The following CALCR variants were observed in gnomAD, a reference collection of about 807,000 sequenced individuals.
CALCR encodes the protein calcitonin receptor.
A neutral mutation model predicts 59.5 loss-of-function variants in CALCR; 47 were observed. The observed-to-expected ratio is 0.79, with a 90% CI of 0.63 to 1.01. The LOEUF (loss-of-function observed/expected upper bound fraction) is 1.01, where lower values mean the gene tolerates loss of function less well. CALCR is among the 50% of genes least tolerant of loss of function. CALCR has a pLI of 0.00. For missense variants in CALCR, 566 were observed against 597.1 expected (o/e 0.95, Z 0.54); for synonymous variants, 213 against 211.3 (o/e 1.01, Z -0.07).
chr7:93,548,123 C>T (rs564706134), intron 2 of CALCR, among the ~76,000 whole-genome samples: 9 of 152,304 alleles, frequency 5.9e-5, no homozygotes, highest in Middle Eastern at 3.4e-3. Context: ...TAAGACTGAT[C>T]TGTCTTACAA....
At chr7:93,494,364 A>C (rs566922176) in intron 2 of CALCR, among the ~76,000 whole-genome samples, 13 of 151,546 alleles carry the variant, frequency 8.6e-5, no homozygotes, top group African/African-American at 3.1e-4. Context: ...GCTGTAGAAA[A>C]GGGGACCCCC....
At chr7:93,463,018 A>C (rs1008598514) in intron 7 of CALCR, among the ~76,000 whole-genome samples, 5 of 151,990 alleles carry the variant, frequency 3.3e-5, no homozygotes, top group African/African-American at 1.2e-4. Context: ...TAAATTTAAA[A>C]ATGTATTTAA....
chr7:93,445,218 AC>A (rs1346640403), intron 8 of CALCR, among the ~76,000 whole-genome samples: 1 of 152,040 alleles, frequency 6.6e-6, no homozygotes, highest in Non-Finnish European at 1.5e-5. Flanking sequence ...CCATCTGATT[AC>A]CTTCCTAACT....
At chr7:93,483,354 C>A (rs1020944784) in intron 3 of CALCR, among the ~76,000 whole-genome samples, 1 of 151,164 alleles carries the variant, frequency 6.6e-6, no homozygotes, top group East Asian at 2.0e-4. Flanking sequence ...TATTTTCTAT[C>A]CAAGATTGGT....
At chr7:93,565,142 T>C (rs763688089) in intron 2 of CALCR, among the ~76,000 whole-genome samples, 7 of 152,234 alleles carry the variant, frequency 4.6e-5, no homozygotes, top group Non-Finnish European at 8.8e-5. Flanking sequence ...AACTTTGCAG[T>C]TCCTTTAGGG....
In CALCR at chr7:93,532,838, CA is replaced by C. The variant is rs57128008; in HGVS notation, c.-27+41450del. ...TAGCCTTGATTCCTCATGTCCAAAG[CA>C]AAAAAAAAAAAAAAAAAAAAAAAAT... On this transcript the variant is annotated intron_variant, in intron 2 of 13. Coordinates refer to ENST00000426151, the MANE Select transcript of CALCR (RefSeq NM_001742.4). Among the ~76,000 whole-genome samples the C allele has an allele frequency of 5.0e-3, 474 of 95,644 alleles. 1 individual carries two copies. The highest frequency in any genetic ancestry group is 0.02 in the African/African-American group (394 of 19,904). 62.7% of individuals were successfully genotyped at this position (95,644 alleles called of 152,430 possible).
chr7:93,432,696 A>G (rs1799682904), intron 13 of CALCR, among the ~76,000 whole-genome samples: 1 of 152,124 alleles, frequency 6.6e-6, no homozygotes, highest in Admixed American at 6.6e-5. Flanking sequence ...ATTTTTACGA[A>G]TGCATGCAAT....
chr7:93,526,731 T>A, intron 2 of CALCR, among the ~76,000 whole-genome samples: 1 of 152,108 alleles, frequency 6.6e-6, no homozygotes. Context: ...GTTTATTCAA[T>A]AGACAGATAG....
chr7:93,517,721 G>T (rs1801678829), intron 2 of CALCR, among the ~76,000 whole-genome samples: 1 of 151,842 alleles, frequency 6.6e-6, no homozygotes, highest in Non-Finnish European at 1.5e-5. Flanking sequence ...AGACAGTGTG[G>T]CTCATTGACC....
chr7:93,571,943 T>C (rs1790014921), intron 2 of CALCR, among the ~76,000 whole-genome samples: 1 of 152,208 alleles, frequency 6.6e-6, no homozygotes, highest in South Asian at 2.1e-4. Context: ...AGGGTACGTA[T>C]TTGTACTTTA....
At chr7:93,527,841 CATT>C (rs1225274165) in intron 2 of CALCR, among the ~76,000 whole-genome samples, 1 of 152,120 alleles carries the variant, frequency 6.6e-6, no homozygotes, top group Non-Finnish European at 1.5e-5. Flanking sequence ...GGAAAGCAAA[CATT>C]ATCTTCAGAG....
intron 2 of CALCR, among the ~76,000 whole-genome samples, chr7:93,561,623 T>C (rs1218206268): frequency 6.6e-6 from 1 of 152,196 alleles, no homozygotes; most frequent in Non-Finnish European, 1.5e-5. Flanking sequence ...AGGGAAAGGA[T>C]ATAATCCCAG....
chr7:93,454,916 T>TTTGTGTG (rs1393217396), intron 8 of CALCR, among the ~76,000 whole-genome samples: 20 of 144,918 alleles, frequency 1.4e-4, no homozygotes, highest in African/African-American at 5.1e-4. Flanking sequence ...ACAGGGCATT[T>TTTGTGTG]TGTGTGTGTG....
intron 2 of CALCR, among the ~76,000 whole-genome samples, chr7:93,516,008 T>C (rs1173647616): frequency 6.6e-6 from 1 of 151,916 alleles, no homozygotes; most frequent in African/African-American, 2.4e-5. Context: ...ATAGTATAAC[T>C]GAATTTTATT....
intron 2 of CALCR, among the ~76,000 whole-genome samples, chr7:93,528,048 T>C (rs1489491066): frequency 1.3e-5 from 2 of 152,218 alleles, no homozygotes; most frequent in African/African-American, 4.8e-5. Flanking sequence ...GAAATATTTG[T>C]ATTTTTTCCT....
At chr7:93,499,016 T>G (rs1454246239) in intron 2 of CALCR, among the ~76,000 whole-genome samples, 1 of 151,690 alleles carries the variant, frequency 6.6e-6, no homozygotes, top group Non-Finnish European at 1.5e-5. Context: ...ACATGACTCT[T>G]AAGCATGTTA....
intron 5 of CALCR, among the ~76,000 whole-genome samples, chr7:93,474,511 T>A (rs1800624016): frequency 6.6e-6 from 1 of 151,778 alleles, no homozygotes; most frequent in South Asian, 2.1e-4. Context: ...AGCTACAAGA[T>A]AATATTTAAA....
intron 2 of CALCR, among the ~76,000 whole-genome samples, chr7:93,546,578 T>C (rs1438393155): frequency 6.9e-6 from 1 of 145,736 alleles, no homozygotes; most frequent in Non-Finnish European, 1.5e-5. Context: ...TTTCTTTTCT[T>C]TTTTTTTTTT....
chr7:93,537,568 C>T (rs547289052), intron 2 of CALCR, among the ~76,000 whole-genome samples: 15 of 151,758 alleles, frequency 9.9e-5, no homozygotes, highest in African/African-American at 3.6e-4. Flanking sequence ...TAGTAATTAG[C>T]TTCTTATTTA....
Sources: gnomAD v4.1 joint callset for allele counts (sites outside exome capture counted in the v4.1 genomes callset) on GRCh38, gnomAD v4.1.1 for gene constraint, MANE v1.5 for transcripts, NCBI Gene and HGNC (gene_info 2026-07-23, HGNC 2026-07-21) for gene names.